Variants in CCL20 observed in about 807,000 individuals in gnomAD.
The protein encoded by CCL20 is C-C motif chemokine ligand 20, also known as C-C motif chemokine 20.
In CCL20, 8 loss-of-function variants were observed where a neutral mutation model predicts 10.8. The observed-to-expected ratio is 0.74, with a 90% CI of 0.44 to 1.34. The LOEUF is 1.34. CCL20 is among the 40% of genes most tolerant of loss of function. The probability of loss-of-function intolerance (pLI) is 0.01; values close to 1 mark genes in which losing one functional copy is unlikely to be tolerated. For synonymous variants in CCL20, 40 were observed against 39.4 expected, an observed-to-expected ratio of 1.02 and a Z score of -0.06; for missense variants, 107 against 117.9, an observed-to-expected ratio of 0.91 and a Z score of 0.43.
chr2:227,813,860 C>A lies in CCL20; in HGVS notation c.-52C>A. 1 of 1,414,654 alleles carries A rather than the reference C, an allele frequency of 7.1e-7. No homozygotes were observed. The highest frequency in any genetic ancestry group is 1.0e-6 in the Non-Finnish European group (1 of 998,582). The allele number at this position is 1,414,654 out of a possible 1,614,324, so 87.6% of individuals were successfully genotyped here. On this transcript the variant is annotated 5_prime_UTR_variant, in exon 1 of 4. Coordinates refer to ENST00000358813, the MANE Select transcript of CCL20 (RefSeq NM_004591.3). ...TGCTGTCAGAATATAACAGCACTCC[C>A]AAAGAACTGGGTACTCAACACTGAG... is the stretch of plus-strand genomic sequence containing the variant.
intron 1 of CCL20, among the ~76,000 whole-genome samples, chr2:227,814,432 TG>T (rs915474310): frequency 1.3e-5 from 2 of 152,160 alleles, no homozygotes; most frequent in Non-Finnish European, 2.9e-5. Flanking sequence ...CCACAAGGCA[TG>T]GGGGACATTG....
intron 3 of CCL20, among the ~76,000 whole-genome samples, chr2:227,816,727 A>G (rs988451162): frequency 6.6e-6 from 1 of 152,256 alleles, no homozygotes; most frequent in Admixed American, 6.5e-5. Context: ...AATGAACATT[A>G]GTTAAACAGA....
At chr2:227,815,589 A>T in intron 2 of CCL20, 21 bp downstream of exon 2, 1 of 1,346,920 alleles carries the variant, frequency 7.4e-7, no homozygotes, top group Non-Finnish European at 1.1e-6. Flanking sequence ...AATTGATTTT[A>T]ATTCAGTTGT....
At chr2:227,814,030 T>A (rs767682102) in intron 1 of CCL20, 43 bp downstream of exon 1, 8 of 1,550,768 alleles carry the variant, frequency 5.2e-6, no homozygotes, top group Non-Finnish European at 7.1e-6. Flanking sequence ...AAGACTATTT[T>A]CATTTTCCTT....
intron 1 of CCL20, among the ~76,000 whole-genome samples, chr2:227,814,727 G>C (rs1436214416): frequency 4.6e-5 from 7 of 151,702 alleles, no homozygotes; most frequent in Admixed American, 4.6e-4. Context: ...GACCACGGCC[G>C]TGTGCCACTC....
chr2:227,814,015 GAAGA>G (rs1204288533), intron 1 of CCL20, 28 bp downstream of exon 1: 1 of 1,588,806 alleles, frequency 6.3e-7, no homozygotes, highest in Non-Finnish European at 8.6e-7. Context: ...CGCTAGCACA[GAAGA>G]AAGACTATTT....
chr2:227,817,068 A>T lies in CCL20; in HGVS notation c.276A>T (p.Lys92Asn). 5.6e-6 allele frequency: 9 copies of T among 1,607,662 alleles called. No individual in the cohort carries two copies. The East Asian group carries it at 1.8e-4, about 32-fold the overall frequency. ...CTTCTTTTTCATTTTACAGTAAAAA[A>T]GTCAAGAACATGTAAAAACTGTGGC... ...VKYIVRLLSK[K>N]VKNM The change falls in exon 4 of 4, where the codon AAA (lysine) becomes AAT (asparagine). Residue 92 changes from lysine (K) to asparagine (N), a missense_variant. By Grantham distance (94) the Lys-to-Asn change is moderately conservative. Transcript: ENST00000358813.
At chr2:227,815,736 T>G (rs144762274) in intron 2 of CCL20, 168 bp downstream of exon 2, 1 of 543,942 alleles carries the variant, frequency 1.8e-6, no homozygotes, top group East Asian at 3.1e-5. Context: ...TTTGTCTTAG[T>G]ACATATCTAC....
Position 227,813,956 on chromosome 2 carries a change from G to A in CCL20, c.45G>A (p.Val15=), listed in dbSNP as rs897060448. ...KSLLLAALMS[V]LLLHLCGESE... ...TGCTCCTGGCTGCTTTGATGTCAGT[G>A]CTGCTACTCCACCTCTGCGGCGAAT... Residue 15 remains valine, a synonymous_variant, in exon 1 of 4, where the codon GTG becomes GTA. Transcript: ENST00000358813. 6.2e-7 allele frequency: 1 copy of A among 1,614,140 alleles called. No homozygotes were observed. Among genetic ancestry groups the A allele is most frequent in the African/African-American group, 1.3e-5 (1 of 75,056 alleles).
At chr2:227,815,075 AGG>A (rs1690004604) in intron 1 of CCL20, among the ~76,000 whole-genome samples, 1 of 152,192 alleles carries the variant, frequency 6.6e-6, no homozygotes, top group Admixed American at 6.5e-5. Context: ...TATCTACATA[AGG>A]GTTCCTTCAA....
Position 227,816,982 on chromosome 2 carries a change from C to A in CCL20, c.270-80C>A, listed in dbSNP as rs1056102091. 5 of 1,091,832 alleles carry A rather than the reference C, an allele frequency of 4.6e-6. No individual in the cohort carries two copies. The East Asian group carries it at 7.1e-5, about 16-fold the overall frequency. The allele number at this position is 1,091,832 out of a possible 1,614,324, so 67.6% of individuals were successfully genotyped here. A position where few individuals can be genotyped will look rare whatever the true frequency, so the allele number is the denominator to read the frequency against. On this transcript the variant is annotated intron_variant, in intron 3 of 3. Coordinates refer to ENST00000358813, the MANE Select transcript of CCL20 (RefSeq NM_004591.3). ...GAGTTGAGATTAAGGGCAGGTGAAG[C>A]AACCTTTAGGTACCAAAGTCATTCC...
rs1690037809 is a variant in CCL20 at position 227,817,400 on chromosome 2, TA to T, written c.*318del. 1 of 192,732 alleles carries T rather than the reference TA, an allele frequency of 5.2e-6. No homozygotes were observed. Among genetic ancestry groups the T allele is most frequent in the Non-Finnish European group, 1.1e-5 (1 of 95,108 alleles). The allele number at this position is 192,732 out of a possible 1,614,324, so 11.9% of individuals were successfully genotyped here. A position where few individuals can be genotyped will look rare whatever the true frequency, so the allele number is the denominator to read the frequency against. ...AATTATATTTGGGGGGGAATAAGAT[TA>T]TATGGACTTTCTTGCAAGCAACAAG... On this transcript the variant is annotated 3_prime_UTR_variant, in exon 4 of 4. Transcript: ENST00000358813.
rs756326584 is a variant in CCL20 at position 227,816,270 on chromosome 2, G to C, written c.192-37G>C. The C allele has an allele frequency of 3.2e-6, 4 of 1,244,656 alleles. No homozygotes were observed. In the East Asian group the frequency reaches 9.3e-5, roughly 29 times the overall value. The allele number at this position is 1,244,656 out of a possible 1,614,324, so 77.1% of individuals were successfully genotyped here. On this transcript the variant is annotated intron_variant, in intron 2 of 3. Coordinates refer to ENST00000358813, the MANE Select transcript of CCL20 (RefSeq NM_004591.3). ...TGTTCTATGAAAAACCCATTGAAAA[G>C]CTCATTAAACACAAATCAAATTTTC...
At position 227,817,119 on chromosome 2, in the gene CCL20, C is replaced by G. The variant is rs1481053843; in HGVS notation, c.*36C>G. 1 of 1,575,492 alleles carries G rather than the reference C, an allele frequency of 6.3e-7. No homozygotes were observed. Among genetic ancestry groups the G allele is most frequent in the Non-Finnish European group, 8.7e-7 (1 of 1,146,902 alleles). ...TTTTCTGGAATGGAATTGGACATAGCCCAAGAACAGAAAGAACCTTGCTGG... is the reference window on the plus strand; with the variant it reads ...TTTTCTGGAATGGAATTGGACATAGGCCAAGAACAGAAAGAACCTTGCTGG... On this transcript the variant is annotated 3_prime_UTR_variant, in exon 4 of 4. Coordinates refer to ENST00000358813, the MANE Select transcript of CCL20 (RefSeq NM_004591.3).
At position 227,817,006 on chromosome 2, in the gene CCL20, C is replaced by G. The variant is rs200406719; in HGVS notation, c.270-56C>G. ...GCAACCTTTAGGTACCAAAGTCATT[C>G]CCACCATGCAGTCACCTTGTCATTA... On this transcript the variant is annotated intron_variant, in intron 3 of 3. Transcript: ENST00000358813. 2,684 of 1,406,304 alleles carry G rather than the reference C, an allele frequency of 1.9e-3. 9 individuals carry two copies. The highest frequency in any genetic ancestry group is 2.4e-3 in the Non-Finnish European group (2,394 of 994,206). 87.1% of individuals were successfully genotyped at this position (1,406,304 alleles called of 1,614,324 possible).
chr2:227,813,850 A>G lies in CCL20; in HGVS notation c.-62A>G. 3 of 1,275,852 alleles carry G rather than the reference A, an allele frequency of 2.4e-6. No homozygotes were observed. The highest frequency in any genetic ancestry group is 3.4e-6 in the Non-Finnish European group (3 of 872,080). 79.0% of individuals were successfully genotyped at this position (1,275,852 alleles called of 1,614,324 possible). On this transcript the variant is annotated 5_prime_UTR_variant, in exon 1 of 4. Transcript: ENST00000358813. ...CATCCCAGGCTGCTGTCAGAATATA[A>G]CAGCACTCCCAAAGAACTGGGTACT... is the stretch of plus-strand genomic sequence containing the variant.
chr2:227,816,027 A>T, intron 2 of CCL20: 2 of 393,288 alleles, frequency 5.1e-6, no homozygotes, highest in South Asian at 3.8e-5. Context: ...GATCAGATAC[A>T]TACATATTCT....
rs34834265 is a variant in CCL20 at position 227,815,437 on chromosome 2, C to CTTTT, written c.77-6_77-3dup. The CTTTT allele has an allele frequency of 5.5e-5, 62 of 1,125,338 alleles. No individual in the cohort carries two copies. In the African/African-American group the frequency reaches 7.7e-4, roughly 14 times the overall value. 69.7% of individuals were successfully genotyped at this position (1,125,338 alleles called of 1,614,324 possible). A position where few individuals can be genotyped will look rare whatever the true frequency, so the allele number is the denominator to read the frequency against. On this transcript the variant is annotated splice_polypyrimidine_tract_variant and intron_variant, in intron 1 of 3. Transcript: ENST00000358813. Reference sequence around the variant, plus strand: ...ATTCATGTGGATCCAATACCTTTCACTTTTTTTTTTTTTTAGCAGCAAGCA... The same window carrying CTTTT: ...ATTCATGTGGATCCAATACCTTTCACTTTTTTTTTTTTTTTTTTAGCAGCAAGCA...
intron 2 of CCL20, 111 bp from the exon 3 acceptor site, chr2:227,816,196 A>G (rs1690022433): frequency 3.6e-6 from 2 of 559,962 alleles, no homozygotes; most frequent in South Asian, 2.7e-5. Flanking sequence ...TACCTCATCA[A>G]CTGAAATGTT....
Sources: allele counts gnomAD v4.1 joint callset (sites outside exome capture counted in the v4.1 genomes callset), GRCh38; gene constraint gnomAD v4.1.1; transcripts MANE v1.5; gene names NCBI Gene and HGNC (gene_info 2026-07-23, HGNC 2026-07-21).